NCOA2: variants seen among roughly 807,000 people sequenced by gnomAD.
NCOA2 encodes class E basic helix-loop-helix protein 75.
NCOA2 carries 21 observed loss-of-function variants against 145.1 expected under a neutral mutation model. That is an observed-to-expected ratio of 0.14 (90% CI 0.10 to 0.21). The LOEUF is 0.21. NCOA2 is among the 10% of genes least tolerant of loss of function. NCOA2 has a pLI of 1.00. For missense variants in NCOA2, 1,472 were observed against 1,837.6 expected (o/e 0.80, Z 3.64); for synonymous variants, 619 against 637.5 (o/e 0.97, Z 0.44).
intron 1 of NCOA2, among the ~76,000 whole-genome samples, chr8:70,315,039 C>T (rs772655331): frequency 6.6e-6 from 1 of 152,148 alleles, no homozygotes; most frequent in Non-Finnish European, 1.5e-5. Context: ...TTTTGACGAG[C>T]TAAGGAAGGC....
At chr8:70,375,194 TAAG>T (rs1811565245) in intron 1 of NCOA2, among the ~76,000 whole-genome samples, 1 of 152,214 alleles carries the variant, frequency 6.6e-6, no homozygotes, top group Admixed American at 6.5e-5. Flanking sequence ...TTCAGGTATT[TAAG>T]AAAAGCTAAA....
At position 70,263,735 on chromosome 8, in the gene NCOA2, AAAAC is replaced by A. The variant is rs779527411; in HGVS notation, c.-20+33005_-20+33008del. Among the ~76,000 whole-genome samples the A allele has an allele frequency of 5.9e-5, 9 of 152,068 alleles. No homozygotes were observed. The East Asian group carries it at 9.7e-4, about 16-fold the overall frequency. On this transcript the variant is annotated intron_variant, in intron 2 of 22. Transcript: ENST00000452400. ...CAGAGTGAGACTCCATCTCAAAAAA[AAAAC>A]AAACAAACAAAATCACCCTACAGTT...
chr8:70,442,116 G>GAAGC, the NCOA2 span, among the ~76,000 whole-genome samples: 1 of 82,350 alleles, frequency 1.2e-5, no homozygotes, highest in African/African-American at 3.4e-5. Flanking sequence ...GAGAAAGAAA[G>GAAGC]AAGAAAGAAA....
At chr8:70,163,848 C>T (rs1279681180) in intron 7 of NCOA2, among the ~76,000 whole-genome samples, 2 of 151,860 alleles carry the variant, frequency 1.3e-5, no homozygotes, top group African/African-American at 4.8e-5. Context: ...TACACTAAAA[C>T]GTTAATAATC....
At chr8:70,412,748 C>G in the NCOA2 span, among the ~76,000 whole-genome samples, 2 of 149,770 alleles carry the variant, frequency 1.3e-5, no homozygotes, top group Non-Finnish European at 3.0e-5. Flanking sequence ...AATTGGAATA[C>G]AGATAGACAT....
At chr8:70,203,562 T>C (rs191490712) in intron 4 of NCOA2, among the ~76,000 whole-genome samples, 5 of 151,834 alleles carry the variant, frequency 3.3e-5, no homozygotes, top group East Asian at 1.9e-4. Flanking sequence ...CTGGGCAACA[T>C]TGCAAGACCT....
In NCOA2 at chr8:70,376,771, C is replaced by A. The variant is rs113485972; in HGVS notation, c.-77+26929G>T. Reference sequence around the variant, plus strand: ...AGGTAGCAGTGTTATAGATACAGACCAACACAACACTTATTTATTACTATT... The same window carrying A: ...AGGTAGCAGTGTTATAGATACAGACAAACACAACACTTATTTATTACTATT... On this transcript the variant is annotated intron_variant, in intron 1 of 22. Transcript: ENST00000452400. 1.4e-4 allele frequency among the ~76,000 whole-genome samples: 21 copies of A among 152,188 alleles called. 1 individual carries two copies. Among genetic ancestry groups the A allele is most frequent in the African/African-American group, 5.1e-4 (21 of 41,508 alleles).
the NCOA2 span, among the ~76,000 whole-genome samples, chr8:70,454,404 T>G: frequency 6.6e-6 from 1 of 152,174 alleles, no homozygotes; most frequent in Non-Finnish European, 1.5e-5. Context: ...TCATCAAAAC[T>G]TGACTGTAAA....
intron 1 of NCOA2, among the ~76,000 whole-genome samples, chr8:70,352,096 C>G (rs1419314615): frequency 6.6e-6 from 1 of 151,874 alleles, no homozygotes; most frequent in Non-Finnish European, 1.5e-5. Context: ...ATACTTTTTC[C>G]TGGATACTCA....
intron 6 of NCOA2, among the ~76,000 whole-genome samples, chr8:70,168,740 T>C (rs931420794): frequency 3.3e-5 from 5 of 152,192 alleles, no homozygotes; most frequent in African/African-American, 1.2e-4. Context: ...GGATACAATA[T>C]AAAGTAAGGC....
chr8:70,194,395 C>T (rs1817035778), intron 4 of NCOA2, among the ~76,000 whole-genome samples: 1 of 152,136 alleles, frequency 6.6e-6, no homozygotes, highest in Non-Finnish European at 1.5e-5. Flanking sequence ...TGACTATCTG[C>T]AAAGTCTGTT....
chr8:70,271,696 G>A (rs1283036529), intron 2 of NCOA2, among the ~76,000 whole-genome samples: 2 of 152,214 alleles, frequency 1.3e-5, no homozygotes, highest in Non-Finnish European at 2.9e-5. Context: ...GTCAGCAACA[G>A]TACAGGATGG....
chr8:70,247,947 C>T (rs1278111047), intron 2 of NCOA2, among the ~76,000 whole-genome samples: 1 of 152,196 alleles, frequency 6.6e-6, no homozygotes, highest in Non-Finnish European at 1.5e-5. Context: ...ATATTTTCTG[C>T]TGGCATACAC....
At chr8:70,328,506 TCTAAA>T (rs1250407219) in intron 1 of NCOA2, among the ~76,000 whole-genome samples, 6 of 152,264 alleles carry the variant, frequency 3.9e-5, no homozygotes. Flanking sequence ...TAAATAAAAT[TCTAAA>T]CTAAACAAGT....
At chr8:70,273,373 G>T in intron 2 of NCOA2, 1 of 703,050 alleles carries the variant, frequency 1.4e-6, no homozygotes, top group South Asian at 2.0e-5. Flanking sequence ...GCTGCGACAA[G>T]ATGAAAGAAA....
rs368861974 is a variant in NCOA2, at chr8:70,156,566, G to C, written c.1799C>G (p.Ala600Gly). ...GEPSEGTTGQAESSCHPGEQK... is the reference protein window; with the variant it reads ...GEPSEGTTGQGESSCHPGEQK... The stretch of plus-strand genomic sequence containing the variant: ...CTCTCCAGGATGGCAGCTGCTCTCT[G>C]CTTGTCCAGTTGTACCTTCAGAGGG... Residue 600 changes from alanine to glycine, a missense_variant, in exon 11 of 23, where the codon GCA becomes GGA. Coordinates refer to ENST00000452400, the MANE Select transcript of NCOA2 (RefSeq NM_006540.4). 1.5e-5 allele frequency: 25 copies of C among 1,613,794 alleles called. No individual in the cohort carries two copies. In the African/African-American group the frequency reaches 2.4e-4, roughly 16 times the overall value.
rs750618936 is a variant in NCOA2, at chr8:70,141,363, G to A, written c.2849C>T (p.Pro950Leu). Residue 950 changes from proline (P) to leucine (L), a missense_variant, in exon 14 of 23, where the codon CCA (proline) becomes CTA (leucine). Transcript: ENST00000452400. ...ACTCTGCGGTGCCCATTCTCCAGAT[G>A]GCATAGTAGGCCGAGAAGCACTGTT... ...IGNSASRPTM[P>L]SGEWAPQSSA... 4 of 1,613,874 alleles carry A rather than the reference G, an allele frequency of 2.5e-6. No homozygotes were observed. The South Asian group carries it at 4.4e-5, about 18-fold the overall frequency.
the NCOA2 span, among the ~76,000 whole-genome samples, chr8:70,430,381 A>T: frequency 6.6e-6 from 1 of 152,248 alleles, no homozygotes; most frequent in Non-Finnish European, 1.5e-5. Context: ...TTACTTTTAC[A>T]ATAGCACTAC....
chr8:70,405,673 A>T (rs905679650), upstream of NCOA2, among the ~76,000 whole-genome samples: 2 of 150,728 alleles, frequency 1.3e-5, no homozygotes, highest in Non-Finnish European at 3.0e-5. Context: ...GATAATAAAT[A>T]AATAAATAAA....
Sources: allele counts gnomAD v4.1 joint callset (sites outside exome capture counted in the v4.1 genomes callset), GRCh38; gene constraint gnomAD v4.1.1; transcripts MANE v1.5; gene names NCBI Gene and HGNC (gene_info 2026-07-23, HGNC 2026-07-21).